The following INTU variants were observed in gnomAD, a reference collection of about 807,000 sequenced individuals.
The protein encoded by INTU is inturned planar cell polarity protein.
In INTU, 68 loss-of-function variants were observed where a neutral mutation model predicts 100.5. The ratio of observed to expected loss-of-function variants is 0.68; its 90% CI spans 0.56 to 0.83. The LOEUF (loss-of-function observed/expected upper bound fraction) is 0.83. INTU is among the 40% of genes least tolerant of loss of function. The probability of loss-of-function intolerance (pLI) is 0.00; values close to 1 mark genes in which losing one functional copy is unlikely to be tolerated. For missense variants in INTU, 1,071 were observed against 1,114.7 expected, an observed-to-expected ratio of 0.96 and a Z score of 0.56; for synonymous variants, 357 against 395.7, an observed-to-expected ratio of 0.90 and a Z score of 1.16.
chr4:127,678,314 T>C lies in INTU; in HGVS notation c.1181+4101T>C, dbSNP rs541290145. Among the ~76,000 whole-genome samples the C allele has an allele frequency of 1.1e-4, 17 of 152,014 alleles. No individual in the cohort carries two copies. In the South Asian group the frequency reaches 3.3e-3, roughly 30 times the overall value. ...CACATAATTGTCAGATTCACCAAAG[T>C]TGAAATGAAGGAAAAAATGTTAAGG... is the stretch of plus-strand genomic sequence containing the variant. On this transcript the variant is annotated intron_variant, in intron 6 of 15. Coordinates refer to ENST00000335251, the MANE Select transcript of INTU (RefSeq NM_015693.4).
chr4:127,710,804 A>G (rs985696608), intron 13 of INTU, 109 bp from the exon 14 acceptor site: 3 of 566,278 alleles, frequency 5.3e-6, no homozygotes, highest in African/African-American at 3.7e-5. Flanking sequence ...TACTAATATT[A>G]TATTGTAGAT....
Position 127,704,291 on chromosome 4 carries a change from G to GT in INTU, c.1566+2dup. On this transcript the variant is annotated splice_donor_variant, in intron 10 of 15. Transcript: ENST00000335251. LOFTEE classifies it high-confidence loss of function. ...TTTGGGGTCTTCTCTATTTTACAAGGTAAGTTGAAGCTTGAAGTCTAAATG... is the reference window on the plus strand; with the variant it reads ...TTTGGGGTCTTCTCTATTTTACAAGGTTAAGTTGAAGCTTGAAGTCTAAATG... 6.2e-7 allele frequency: 1 copy of GT among 1,606,982 alleles called. No homozygotes were observed. Among genetic ancestry groups the GT allele is most frequent in the Non-Finnish European group, 8.5e-7 (1 of 1,175,236 alleles).
At chr4:127,694,399 T>G (rs1730290439) in intron 8 of INTU, among the ~76,000 whole-genome samples, 1 of 152,142 alleles carries the variant, frequency 6.6e-6, no homozygotes, top group African/African-American at 2.4e-5. Context: ...TGTATTGCTG[T>G]GTTATCAGTT....
At chr4:127,650,680 T>TA (rs1727815387) in intron 2 of INTU, among the ~76,000 whole-genome samples, 1 of 151,812 alleles carries the variant, frequency 6.6e-6, no homozygotes. Flanking sequence ...GCAATAAACA[T>TA]ACGTGTGCAT....
intron 1 of INTU, among the ~76,000 whole-genome samples, chr4:127,638,929 C>A (rs1727190153): frequency 1.3e-5 from 2 of 152,240 alleles, no homozygotes; most frequent in Middle Eastern, 3.4e-3. Flanking sequence ...AAATATGACC[C>A]ATGTACTACA....
At chr4:127,696,379 A>C (rs1730383531) in intron 8 of INTU, among the ~76,000 whole-genome samples, 1 of 152,182 alleles carries the variant, frequency 6.6e-6, no homozygotes, top group African/African-American at 2.4e-5. Context: ...TTCTTTAATA[A>C]GTATAGACCA....
At chr4:127,687,457 A>G (rs1729875596) in intron 7 of INTU, 1 of 317,116 alleles carries the variant, frequency 3.2e-6, no homozygotes, top group Admixed American at 4.6e-5. Context: ...AGAGCCATCT[A>G]CTTGATACAC....
chr4:127,666,658 A>T (rs1728712243), intron 4 of INTU, among the ~76,000 whole-genome samples: 1 of 152,166 alleles, frequency 6.6e-6, no homozygotes, highest in Non-Finnish European at 1.5e-5. Context: ...TAATGGAGGA[A>T]GTTAGAAGGT....
intron 2 of INTU, among the ~76,000 whole-genome samples, chr4:127,646,489 C>CT (rs1416434165): frequency 2.0e-5 from 3 of 152,086 alleles, no homozygotes; most frequent in African/African-American, 7.2e-5. Flanking sequence ...TGCTGTTTTT[C>CT]TTTTTGTGAT....
Position 127,706,906 on chromosome 4 carries a change from A to G in INTU, c.2208A>G (p.Ala736=). The change falls in exon 12 of 16, where the codon GCA becomes GCG. Residue 736 remains alanine (A), a synonymous_variant. Coordinates refer to ENST00000335251, the MANE Select transcript of INTU (RefSeq NM_015693.4). The stretch of plus-strand genomic sequence containing the variant: ...TTAGCCCCCATACTACACCGGATGC[A>G]GTACGGAAGCAAAGAGAATCTCAGG... ...DGFSPHTTPD[A]VRKQRESQGS... is the part of the protein sequence containing the mutation. The G allele has an allele frequency of 6.2e-7, 1 of 1,614,124 alleles. No individual in the cohort carries two copies. The highest frequency in any genetic ancestry group is 8.5e-7 in the Non-Finnish European group (1 of 1,179,974).
intron 2 of INTU, among the ~76,000 whole-genome samples, chr4:127,649,578 A>G (rs758117160): frequency 6.6e-6 from 1 of 152,072 alleles, no homozygotes; most frequent in Non-Finnish European, 1.5e-5. Context: ...CCTAAATCCA[A>G]AATGCTCCAA....
At position 127,707,984 on chromosome 4, in the gene INTU, C is replaced by G. The variant is rs142930216; in HGVS notation, c.2272-587C>G. Among the ~76,000 whole-genome samples the G allele has an allele frequency of 5.9e-5, 9 of 152,268 alleles. No individual in the cohort carries two copies. The East Asian group carries it at 1.5e-3, about 26-fold the overall frequency. On this transcript the variant is annotated intron_variant, in intron 12 of 15. Coordinates refer to ENST00000335251, the MANE Select transcript of INTU (RefSeq NM_015693.4). Reference sequence around the variant, plus strand: ...ATGCTAGTAGCATGGCATAAATAACCAGATGCAATCTCCTCATACCAAACA... The same window carrying G: ...ATGCTAGTAGCATGGCATAAATAACGAGATGCAATCTCCTCATACCAAACA...
intron 1 of INTU, among the ~76,000 whole-genome samples, chr4:127,641,039 T>A (rs1457804651): frequency 6.6e-6 from 1 of 151,802 alleles, no homozygotes; most frequent in Non-Finnish European, 1.5e-5. Context: ...CCCCACCTAA[T>A]CAGTCTCAAA....
At chr4:127,683,213 T>A (rs1729664752) in intron 6 of INTU, among the ~76,000 whole-genome samples, 1 of 152,196 alleles carries the variant, frequency 6.6e-6, no homozygotes, top group South Asian at 2.1e-4. Context: ...CCTAAAGAAC[T>A]TGGCTTGATA....
At chr4:127,666,491 A>T (rs1014332545) in intron 4 of INTU, among the ~76,000 whole-genome samples, 2 of 152,154 alleles carry the variant, frequency 1.3e-5, no homozygotes, top group African/African-American at 4.8e-5. Context: ...TGGGCTTAAT[A>T]CAGTGGTTCT....
chr4:127,673,988 C>T (rs937196180), intron 5 of INTU, 136 bp from the exon 6 acceptor site: 18 of 445,172 alleles, frequency 4.0e-5, no homozygotes, highest in Non-Finnish European at 6.5e-5. Flanking sequence ...TTTTATGTGA[C>T]AGGAATATGA....
chr4:127,687,499 A>T (rs1341936518), intron 7 of INTU, 179 bp from the exon 8 acceptor site: 1 of 455,332 alleles, frequency 2.2e-6, no homozygotes, highest in Non-Finnish European at 3.9e-6. Context: ...AAAAGTTTGG[A>T]CAGGGTAAAT....
chr4:127,680,808 A>C (rs935606531), intron 6 of INTU, among the ~76,000 whole-genome samples: 18 of 151,666 alleles, frequency 1.2e-4, no homozygotes, highest in Middle Eastern at 3.4e-3. Context: ...GAGGAAGTCA[A>C]ATTGTCCCTG....
At chr4:127,705,449 T>G in intron 10 of INTU, 142 bp from the exon 11 acceptor site, 1 of 667,648 alleles carries the variant, frequency 1.5e-6, no homozygotes, top group Non-Finnish European at 2.6e-6. Flanking sequence ...AAACATTTAC[T>G]TTTACTATAT....
Sources: allele counts gnomAD v4.1 joint callset (sites outside exome capture counted in the v4.1 genomes callset), GRCh38; gene constraint gnomAD v4.1.1; transcripts MANE v1.5; gene names NCBI Gene and HGNC (gene_info 2026-07-23, HGNC 2026-07-21).